SMIM27: variants seen among roughly 807,000 people sequenced by gnomAD.
SMIM27 encodes the protein transition zone microprotein 1.
SMIM27 carries 3 observed loss-of-function variants against 1.8 expected under a neutral mutation model. That is an observed-to-expected ratio of 1.65 (90% CI 0.75 to 4.28). The LOEUF (loss-of-function observed/expected upper bound fraction) is 4.28. Ranked by LOEUF, SMIM27 falls within the 30% of genes most tolerant of loss-of-function variation. SMIM27 has a pLI of 0.02. For synonymous variants in SMIM27, 19 were observed against 13.9 expected (o/e 1.37, Z -0.82); for missense variants, 63 against 37.0 (o/e 1.70, Z -1.83).
chr9:32,559,701 A>C (rs1288360898), intron 1 of SMIM27, among the ~76,000 whole-genome samples: 1 of 152,142 alleles, frequency 6.6e-6, no homozygotes, highest in African/African-American at 2.4e-5. Context: ...AGGCCTAATT[A>C]AAATAGCAAG....
chr9:32,558,000 A>G (rs1264646063), downstream of SMIM27, among the ~76,000 whole-genome samples: 1 of 152,254 alleles, frequency 6.6e-6, no homozygotes, highest in Non-Finnish European at 1.5e-5. Context: ...GTATTCTACT[A>G]TGCTAAACAA....
At chr9:32,566,176 C>A in intron 1 of SMIM27, 1 of 728,232 alleles carries the variant, frequency 1.4e-6, no homozygotes, top group South Asian at 1.5e-5. Context: ...AGGCCACTTC[C>A]TCTTCAACCT....
chr9:32,551,333 G>A, upstream of SMIM27: 1 of 398,246 alleles, frequency 2.5e-6, no homozygotes, highest in South Asian at 2.2e-5. Context: ...GTCTAGATAG[G>A]GGAATTGTTA....
At chr9:32,563,837 T>G (rs1321517663) in intron 1 of SMIM27, among the ~76,000 whole-genome samples, 1 of 152,248 alleles carries the variant, frequency 6.6e-6, no homozygotes, top group Non-Finnish European at 1.5e-5. Context: ...ATTATTTACT[T>G]TGAAGTTCAA....
intron 1 of SMIM27, among the ~76,000 whole-genome samples, chr9:32,564,622 C>T (rs1821726084): frequency 6.6e-6 from 1 of 151,902 alleles, no homozygotes; most frequent in South Asian, 2.1e-4. Flanking sequence ...TAATCCAGTC[C>T]CACCCCCATG....
chr9:32,566,598 C>T (rs1479545707), exon 2 of SMIM27: 18 of 785,506 alleles, frequency 2.3e-5, no homozygotes, highest in African/African-American at 1.4e-4. Context: ...GCGGAGGACC[C>T]GCAGGAATTC....
chr9:32,552,307 A>G (rs1350701978), upstream of SMIM27: 2 of 1,377,294 alleles, frequency 1.5e-6, no homozygotes, highest in Non-Finnish European at 2.0e-6. Context: ...GCGCTGCACG[A>G]AGCGAGTGGG....
chr9:32,566,674 G>A (rs546092744), exon 2 of SMIM27: 12 of 816,184 alleles, frequency 1.5e-5, no homozygotes, highest in East Asian at 2.4e-5. Context: ...CTCCGGATCC[G>A]GCTTTCACAG....
downstream of SMIM27, among the ~76,000 whole-genome samples, chr9:32,555,505 CTG>C (rs1217181788): frequency 6.6e-6 from 1 of 152,196 alleles, no homozygotes; most frequent in African/African-American, 2.4e-5. Context: ...AAGCTGGTAA[CTG>C]TGTATAGGAA....
At chr9:32,559,258 G>A (rs1563993065) in intron 1 of SMIM27, among the ~76,000 whole-genome samples, 1 of 152,126 alleles carries the variant, frequency 6.6e-6, no homozygotes, top group Non-Finnish European at 1.5e-5. Flanking sequence ...AGCAGAGCCT[G>A]TTAATTCTAT....
At chr9:32,555,971 G>A (rs576799131), downstream of SMIM27, among the ~76,000 whole-genome samples, 22 of 152,352 alleles carry the variant, frequency 1.4e-4, 1 homozygote, top group South Asian at 4.3e-3. Flanking sequence ...AATGGGTGTG[G>A]TTGGGGGACA....
exon 2 of SMIM27, chr9:32,566,851 C>T (rs41274003): frequency 0.024 from 19,896 of 816,354 alleles, 280 homozygotes; most frequent in Non-Finnish European, 0.03. Context: ...CAGTAGCTGC[C>T]GGGCGGCCTG....
At chr9:32,553,023 G>T, downstream of SMIM27, 1 of 583,690 alleles carries the variant, frequency 1.7e-6, no homozygotes, top group South Asian at 2.1e-5. Context: ...GTTTATTTTT[G>T]CATTATCCTT....
intron 1 of SMIM27, among the ~76,000 whole-genome samples, chr9:32,558,751 T>G (rs189172651): frequency 6.6e-4 from 101 of 152,202 alleles, no homozygotes; most frequent in African/African-American, 1.5e-3. Flanking sequence ...TTCCTGTTTT[T>G]TTTTGTTTTG....
chr9:32,566,249 A>AG lies in SMIM27; in HGVS notation c.46-141dup. 4 of 1,023,224 alleles carry AG rather than the reference A, an allele frequency of 3.9e-6. No homozygotes were observed. The South Asian group carries it at 5.1e-5, about 13-fold the overall frequency. 63.4% of individuals were successfully genotyped at this position (1,023,224 alleles called of 1,614,324 possible). ...GTTTTGTGGGTGGTTTTCTTATGGC[A>AG]GACAACACTAATTTTAGGTTCTCTG... On this transcript the variant is annotated intron_variant, in intron 1 of 1. Transcript: ENST00000451672.
At chr9:32,566,070 C>CA (rs60006624) in intron 1 of SMIM27, 3,180 of 339,220 alleles carry the variant, frequency 9.4e-3, no homozygotes, top group East Asian at 0.033. Context: ...CTGGAGTGAC[C>CA]AAAAAAAAAA....
At chr9:32,559,074 C>T in intron 1 of SMIM27, 1 of 602,632 alleles carries the variant, frequency 1.7e-6, no homozygotes, top group Non-Finnish European at 2.9e-6. Flanking sequence ...TCCAGATTCA[C>T]ATATCCAACT....
intron 1 of SMIM27, among the ~76,000 whole-genome samples, chr9:32,565,004 T>A (rs1821739826): frequency 6.6e-6 from 1 of 152,102 alleles, no homozygotes. Context: ...TTATAAACAA[T>A]TCAGCAGGCC....
chr9:32,554,747 G>A (rs1310431383), downstream of SMIM27, among the ~76,000 whole-genome samples: 1 of 152,222 alleles, frequency 6.6e-6, no homozygotes, highest in Admixed American at 6.5e-5. Context: ...AGAAATCATT[G>A]CCTTGAAGTG....
Sources: gnomAD v4.1 joint callset for allele counts (sites outside exome capture counted in the v4.1 genomes callset) on GRCh38, gnomAD v4.1.1 for gene constraint, MANE v1.5 for transcripts, NCBI Gene and HGNC (gene_info 2026-07-23, HGNC 2026-07-21) for gene names.